CSMD1: variants seen among roughly 807,000 people sequenced by gnomAD.
CSMD1 encodes the protein CUB and sushi domain-containing protein 1.
Under a neutral mutation model 417.5 loss-of-function variants are expected in CSMD1, and 213 were observed. The observed-to-expected ratio is 0.51, with a 90% CI of 0.46 to 0.57. CSMD1 has a LOEUF of 0.57. Ranked by LOEUF, CSMD1 falls within the 20% of genes least tolerant of loss-of-function variation. CSMD1 has a pLI of 0.00. For synonymous variants in CSMD1, 2,862 were observed against 1,736.8 expected (o/e 1.65, Z -16.11); for missense variants, 6,923 against 4,529.7 (o/e 1.53, Z -15.17).
intron 2 of CSMD1, among the ~76,000 whole-genome samples, chr8:4,496,364 G>T (rs1002716621): frequency 6.6e-6 from 1 of 152,136 alleles, no homozygotes; most frequent in East Asian, 1.9e-4. Context: ...CAGCAGCGCA[G>T]GAGTCCATCC....
intron 2 of CSMD1, among the ~76,000 whole-genome samples, chr8:4,584,960 C>G (rs1019355943): frequency 6.6e-6 from 1 of 151,992 alleles, no homozygotes; most frequent in Non-Finnish European, 1.5e-5. Flanking sequence ...CTGCCAGAAA[C>G]AAAATAAATG....
At chr8:4,289,605 C>G (rs1169232215) in intron 3 of CSMD1, among the ~76,000 whole-genome samples, 1 of 152,066 alleles carries the variant, frequency 6.6e-6, no homozygotes, top group Non-Finnish European at 1.5e-5. Context: ...ACGATGGTGC[C>G]GTGGATGATG....
At chr8:4,572,166 T>C (rs1164410563) in intron 2 of CSMD1, among the ~76,000 whole-genome samples, 1 of 152,242 alleles carries the variant, frequency 6.6e-6, no homozygotes, top group Non-Finnish European at 1.5e-5. Flanking sequence ...ATCATGGTGC[T>C]ATCTGGTTAT....
In CSMD1 at chr8:3,461,950, G is replaced by C. The variant is rs1359645268; in HGVS notation, c.1561+6762C>G. ...AGCTAAGGAGGCAGATCCTCACATGGGCCGGACAGGAGGGTGGCGGTGAGG... is the reference window on the plus strand; with the variant it reads ...AGCTAAGGAGGCAGATCCTCACATGCGCCGGACAGGAGGGTGGCGGTGAGG... On this transcript the variant is annotated intron_variant, in intron 12 of 69. Transcript: ENST00000635120. Among the ~76,000 whole-genome samples, 4 of 152,184 alleles carry C rather than the reference G, an allele frequency of 2.6e-5. No individual in the cohort carries two copies. The South Asian group carries it at 6.2e-4, about 24-fold the overall frequency.
At chr8:3,537,916 G>C (rs1383712375) in intron 10 of CSMD1, among the ~76,000 whole-genome samples, 2 of 152,150 alleles carry the variant, frequency 1.3e-5, no homozygotes, top group Non-Finnish European at 2.9e-5. Flanking sequence ...CTCTTGGATA[G>C]AGAATAATGA....
chr8:4,732,754 C>G (rs1469685492), intron 1 of CSMD1, among the ~76,000 whole-genome samples: 1 of 152,190 alleles, frequency 6.6e-6, no homozygotes. Context: ...AAAGACTAAG[C>G]AGGCATTTTA....
At chr8:3,226,297 T>G (rs1798498766) in intron 27 of CSMD1, among the ~76,000 whole-genome samples, 1 of 152,074 alleles carries the variant, frequency 6.6e-6, no homozygotes, top group African/African-American at 2.4e-5. Flanking sequence ...AATAAGGAAG[T>G]TGAAGCCGAA....
intron 3 of CSMD1, among the ~76,000 whole-genome samples, chr8:4,235,008 C>T (rs1032486481): frequency 5.3e-5 from 8 of 152,110 alleles, no homozygotes; most frequent in Non-Finnish European, 1.2e-4. Flanking sequence ...CTCTAAATAC[C>T]ATCGTATTGG....
intron 1 of CSMD1, among the ~76,000 whole-genome samples, chr8:4,791,819 C>A (rs2043811): frequency 6.6e-5 from 10 of 152,146 alleles, no homozygotes; most frequent in Non-Finnish European, 7.4e-5. Context: ...TTCTCTGACA[C>A]TGACCTACAA....
At chr8:4,173,820 T>A (rs1363459061) in intron 3 of CSMD1, among the ~76,000 whole-genome samples, 1 of 152,174 alleles carries the variant, frequency 6.6e-6, no homozygotes, top group Non-Finnish European at 1.5e-5. Context: ...AGGAACAATC[T>A]GATCAGGCTT....
At chr8:4,453,493 T>C (rs908135496) in intron 2 of CSMD1, among the ~76,000 whole-genome samples, 2 of 152,166 alleles carry the variant, frequency 1.3e-5, no homozygotes, top group Non-Finnish European at 2.9e-5. Context: ...TTCAAAGCCA[T>C]GCATCCTTCA....
At chr8:3,964,777 A>G (rs752604865) in intron 5 of CSMD1, among the ~76,000 whole-genome samples, 2 of 152,258 alleles carry the variant, frequency 1.3e-5, no homozygotes, top group Non-Finnish European at 2.9e-5. Flanking sequence ...GGACTAATGT[A>G]TCCAACAATT....
At position 3,348,126 on chromosome 8, in the gene CSMD1, T is replaced by C. The variant is rs779186203; in HGVS notation, c.3340A>G (p.Thr1114Ala). 48 of 1,612,294 alleles carry C rather than the reference T, an allele frequency of 3.0e-5. No homozygotes were observed. Among genetic ancestry groups the C allele is most frequent in the Middle Eastern group, 3.3e-4 (2 of 6,052 alleles). Reference sequence around the variant, plus strand: ...GATGGAAAATTTGGAGACAGTAATGTTCCTTCATTTCCTTTGACACTTGCT... The same window carrying C: ...GATGGAAAATTTGGAGACAGTAATGCTCCTTCATTTCCTTTGACACTTGCT... ...CGASVKGNEG[T>A]LLSPNFPSNY... is the part of the protein sequence containing the mutation. The change falls in exon 22 of 70, where the codon ACA becomes GCA. Residue 1114 changes from threonine to alanine, a missense_variant. Coordinates refer to ENST00000635120, the MANE Select transcript of CSMD1 (RefSeq NM_033225.6).
intron 2 of CSMD1, among the ~76,000 whole-genome samples, chr8:4,501,311 T>C (rs1326673329): frequency 6.6e-6 from 1 of 152,168 alleles, no homozygotes; most frequent in Non-Finnish European, 1.5e-5. Context: ...AATGATTGTT[T>C]TGTCTTAATG....
At chr8:4,397,755 A>G (rs1197574544) in intron 3 of CSMD1, among the ~76,000 whole-genome samples, 4 of 152,096 alleles carry the variant, frequency 2.6e-5, no homozygotes, top group African/African-American at 4.8e-5. Flanking sequence ...AATAACAAAG[A>G]CATGAAGGGA....
intron 9 of CSMD1, among the ~76,000 whole-genome samples, chr8:3,583,923 T>A (rs1800489965): frequency 2.6e-5 from 4 of 151,462 alleles, no homozygotes. Flanking sequence ...CTCTGAAGTG[T>A]CAGCAGGAGT....
intron 37 of CSMD1, among the ~76,000 whole-genome samples, chr8:3,168,889 T>A (rs1456564977): frequency 6.6e-6 from 1 of 151,752 alleles, no homozygotes; most frequent in South Asian, 2.1e-4. Flanking sequence ...ACAAGGGAAG[T>A]GACAAAATAC....
chr8:4,535,906 T>G (rs1230428515), intron 2 of CSMD1, among the ~76,000 whole-genome samples: 1 of 152,198 alleles, frequency 6.6e-6, no homozygotes, highest in East Asian at 1.9e-4. Context: ...TAATTAACTC[T>G]TTGTTGTTGA....
At chr8:3,472,084 G>A (rs34123713) in intron 11 of CSMD1, among the ~76,000 whole-genome samples, 17 of 151,876 alleles carry the variant, frequency 1.1e-4, no homozygotes, top group Admixed American at 6.6e-4. Flanking sequence ...CTCTCCCTTC[G>A]TGTAGCCCCT....
Sources: gnomAD v4.1 joint callset for allele counts (sites outside exome capture counted in the v4.1 genomes callset) on GRCh38, gnomAD v4.1.1 for gene constraint, MANE v1.5 for transcripts, NCBI Gene and HGNC (gene_info 2026-07-23, HGNC 2026-07-21) for gene names.